DOP1B: variants seen among roughly 807,000 people sequenced by gnomAD.
The protein encoded by DOP1B is DOP1 leucine zipper like protein B, also known as protein DOP1B.
In DOP1B, 174 loss-of-function variants were observed where a neutral mutation model predicts 233.5. That is an observed-to-expected ratio of 0.75 (90% confidence interval 0.66 to 0.85). DOP1B has a LOEUF of 0.85. DOP1B is among the 40% of genes least tolerant of loss of function. The pLI is 0.00. For synonymous variants in DOP1B, 1,190 were observed against 1,185.6 expected (o/e 1.00, Z -0.08); for missense variants, 2,652 against 2,846.6 (o/e 0.93, Z 1.56).
chr21:36,227,920 C>T, intron 13 of DOP1B, 43 bp downstream of exon 13: 2 of 1,493,996 alleles, frequency 1.3e-6, no homozygotes, highest in South Asian at 1.3e-5. Context: ...GGGCTAAAAG[C>T]AGCTTATGCC....
chr21:36,230,906 A>T lies in DOP1B; in HGVS notation c.2122A>T (p.Lys708Ter), dbSNP rs2066756505. Residue 708 changes from lysine (K) to a stop codon, truncating the protein, a stop_gained, in exon 14 of 37, where the codon AAG becomes TAG. Coordinates refer to ENST00000691173, the MANE Select transcript of DOP1B (RefSeq NM_001320714.2). LOFTEE classifies it high-confidence loss of function. ...GTTCACAGCACGAGGGTCTCCATTC[A>T]AGACAAAAAGTTCAGAGTCACCATC... ...DLFTARGSPF[K>*]TKSSESPSSS... The T allele has an allele frequency of 5.0e-6, 8 of 1,614,166 alleles. No homozygotes were observed. Among genetic ancestry groups the T allele is most frequent in the Non-Finnish European group, 6.8e-6 (8 of 1,180,028 alleles).
chr21:36,161,130 G>T (rs1039721495), intron 1 of DOP1B, among the ~76,000 whole-genome samples: 11 of 150,618 alleles, frequency 7.3e-5, no homozygotes, highest in Admixed American at 1.3e-4. Flanking sequence ...GTTTACTGTT[G>T]TTTTTTTTTG....
intron 2 of DOP1B, among the ~76,000 whole-genome samples, chr21:36,176,574 G>A (rs779149880): frequency 1.8e-4 from 28 of 152,130 alleles, no homozygotes; most frequent in Non-Finnish European, 2.6e-4. Flanking sequence ...GGTGGAGGTG[G>A]CCAGGTAAGT....
chr21:36,186,483 G>A (rs549400080), intron 2 of DOP1B, among the ~76,000 whole-genome samples: 1 of 152,304 alleles, frequency 6.6e-6, no homozygotes, highest in South Asian at 2.1e-4. Context: ...GTGTGGACAT[G>A]TGTACGCATA....
intron 31 of DOP1B, among the ~76,000 whole-genome samples, chr21:36,281,195 C>A (rs1261668607): frequency 6.6e-6 from 1 of 152,154 alleles, no homozygotes; most frequent in Non-Finnish European, 1.5e-5. Flanking sequence ...ACTTGGGAGA[C>A]TGAGGCAGGA....
chr21:36,164,971 A>G, intron 2 of DOP1B, 100 bp downstream of exon 2: 2 of 1,069,306 alleles, frequency 1.9e-6, no homozygotes, highest in Non-Finnish European at 1.2e-6. Context: ...TGTATTTTAT[A>G]ATCTTTATAT....
chr21:36,201,322 T>C (rs910857862), intron 4 of DOP1B, among the ~76,000 whole-genome samples: 1 of 149,480 alleles, frequency 6.7e-6, no homozygotes, highest in Non-Finnish European at 1.5e-5. Context: ...GCTGGGATTC[T>C]ATTCCACTGT....
In DOP1B at chr21:36,225,547, C is replaced by A. The variant is rs910592449; in HGVS notation, c.1371-18C>A. The A allele has an allele frequency of 1.8e-5, 29 of 1,613,524 alleles. No homozygotes were observed. The highest frequency in any genetic ancestry group is 2.3e-5 in the Non-Finnish European group (27 of 1,179,754). On this transcript the variant is annotated intron_variant, in intron 11 of 36. Coordinates refer to ENST00000691173, the MANE Select transcript of DOP1B (RefSeq NM_001320714.2). ...TGCCTGGCCAAAGAATGGATTTTTT[C>A]TTTGCTGTGATTTATAGACCAGTGA...
At position 36,231,127 on chromosome 21, in the gene DOP1B, G is replaced by A. The variant is rs2066760241; in HGVS notation, c.2343G>A (p.Gln781=). ...ETEQLCATLF[Q]LPGAGDSSFP... ...AGCAGCTCTGTGCAACGCTCTTCCAGCTGCCAGGTGAGAGGCAGCCCTGCC... is the reference window on the plus strand; with the variant it reads ...AGCAGCTCTGTGCAACGCTCTTCCAACTGCCAGGTGAGAGGCAGCCCTGCC... Residue 781 remains glutamine, a synonymous_variant, in exon 14 of 37, where the codon CAG becomes CAA. Transcript: ENST00000691173. 6.3e-7 allele frequency: 1 copy of A among 1,577,324 alleles called. No individual in the cohort carries two copies. Among genetic ancestry groups the A allele is most frequent in the Admixed American group, 1.8e-5 (1 of 56,626 alleles).
rs140568773 is a variant in DOP1B, at chr21:36,257,236, C to G, written c.5259+3327C>G. 6.9e-3 allele frequency among the ~76,000 whole-genome samples: 1,058 copies of G among 152,296 alleles called. 6 individuals are homozygous for G. Among genetic ancestry groups the G allele is most frequent in the Non-Finnish European group, 0.011 (733 of 68,026 alleles). ...CGTGGGCACAGAACCTTCATGTGCTCTGCTCTCTGGAAGCTCACCAAACCC... is the reference window on the plus strand; with the variant it reads ...CGTGGGCACAGAACCTTCATGTGCTGTGCTCTCTGGAAGCTCACCAAACCC... On this transcript the variant is annotated intron_variant, in intron 23 of 36. Coordinates refer to ENST00000691173, the MANE Select transcript of DOP1B (RefSeq NM_001320714.2).
chr21:36,292,306 G>T, intron 36 of DOP1B, 73 bp downstream of exon 36: 1 of 1,284,776 alleles, frequency 7.8e-7, no homozygotes. Flanking sequence ...ACCCAGGTTA[G>T]AGTGCAGTGG....
At chr21:36,201,084 C>T (rs936326529) in intron 4 of DOP1B, among the ~76,000 whole-genome samples, 4 of 152,082 alleles carry the variant, frequency 2.6e-5, no homozygotes, top group African/African-American at 7.2e-5. Flanking sequence ...ATGTCCTGTC[C>T]CGTTACGGAG....
In DOP1B at chr21:36,227,877, G is replaced by A. The variant is rs376467448; in HGVS notation, c.1665G>A (p.Ser555=). 43 of 1,591,060 alleles carry A rather than the reference G, an allele frequency of 2.7e-5. No individual in the cohort carries two copies. The highest frequency in any genetic ancestry group is 1.8e-4 in the Middle Eastern group (1 of 5,606). ...YLDTESTSGT[S]SPVKGENGKI... ...ACACGGAGTCCACCAGCGGAACCTC[G>A]GTGTGTACTCTGAGGGGCAGAAATG... The change falls in exon 13 of 37, where the codon TCG becomes TCA. Residue 555 remains serine (S), a splice_region_variant and synonymous_variant. Coordinates refer to ENST00000691173, the MANE Select transcript of DOP1B (RefSeq NM_001320714.2).
Position 36,263,819 on chromosome 21 carries a change from G to A in DOP1B, c.5487+5G>A. On this transcript the variant is annotated splice_donor_5th_base_variant and intron_variant, in intron 26 of 36. Transcript: ENST00000691173. ...AAGGACCAAAAAGACCTGCAGGTTT[G>A]TATATGAAAGAGGTTCAGCCAAATG... 6.2e-7 allele frequency: 1 copy of A among 1,614,112 alleles called. No homozygotes were observed. The highest frequency in any genetic ancestry group is 8.5e-7 in the Non-Finnish European group (1 of 1,179,986).
intron 32 of DOP1B, among the ~76,000 whole-genome samples, chr21:36,286,639 A>C (rs1010106718): frequency 6.8e-6 from 1 of 146,570 alleles, no homozygotes; most frequent in South Asian, 2.2e-4. Context: ...CCATCTCAAA[A>C]ACACACACAC....
rs1216603983 is a variant in DOP1B at position 36,264,399 on chromosome 21, A to C, written c.5487+585A>C. Among the ~76,000 whole-genome samples the C allele has an allele frequency of 2.6e-5, 4 of 152,076 alleles. No individual in the cohort carries two copies. The East Asian group carries it at 7.7e-4, about 29-fold the overall frequency. ...TGCACTTCAGCCTGGCAACAGAGAG[A>C]GATCCTGTCTCAAAAAAATTTTTTA... On this transcript the variant is annotated intron_variant, in intron 26 of 36. Coordinates refer to ENST00000691173, the MANE Select transcript of DOP1B (RefSeq NM_001320714.2).
chr21:36,227,887 C>G lies in DOP1B; in HGVS notation c.1665+10C>G. ...CACCAGCGGAACCTCGGTGTGTACT[C>G]TGAGGGGCAGAAATGGTTCTGGGGG... On this transcript the variant is annotated intron_variant, in intron 13 of 36. Coordinates refer to ENST00000691173, the MANE Select transcript of DOP1B (RefSeq NM_001320714.2). 1 of 1,571,890 alleles carries G rather than the reference C, an allele frequency of 6.4e-7. No individual in the cohort carries two copies. Among genetic ancestry groups the G allele is most frequent in the Non-Finnish European group, 8.7e-7 (1 of 1,154,732 alleles).
At chr21:36,261,682 T>G (rs981693080) in intron 24 of DOP1B, 13 of 974,876 alleles carry the variant, frequency 1.3e-5, no homozygotes, top group Non-Finnish European at 1.5e-5. Context: ...CTAGAGTGGG[T>G]GAGTCACTTG....
At chr21:36,205,220 T>C (rs2066414219) in intron 4 of DOP1B, among the ~76,000 whole-genome samples, 1 of 152,236 alleles carries the variant, frequency 6.6e-6, no homozygotes, top group Non-Finnish European at 1.5e-5. Context: ...GCCCGGCCCA[T>C]GCCACTCACC....
Sources: allele counts gnomAD v4.1 joint callset (sites outside exome capture counted in the v4.1 genomes callset), GRCh38; gene constraint gnomAD v4.1.1; transcripts MANE v1.5; gene names NCBI Gene and HGNC (gene_info 2026-07-23, HGNC 2026-07-21).